JMJD1C: variants seen among roughly 807,000 people sequenced by gnomAD.
JMJD1C encodes jumonji domain containing 1C, also known as jumonji domain-containing protein 1C.
Under a neutral mutation model 245.3 loss-of-function variants are expected in JMJD1C, and 31 were observed. The ratio of observed to expected loss-of-function variants is 0.13; its 90% CI spans 0.09 to 0.17. JMJD1C has a LOEUF of 0.17. Among genes scored for constraint, JMJD1C ranks in the 10% least tolerant of loss-of-function variants. The pLI is 1.00. For synonymous variants in JMJD1C, 1,057 were observed against 1,017.4 expected (o/e 1.04, Z -0.74); for missense variants, 2,691 against 3,000.2 (o/e 0.90, Z 2.41).
chr10:63,478,129 A>G (rs995395111), intron 1 of JMJD1C, among the ~76,000 whole-genome samples: 1 of 152,104 alleles, frequency 6.6e-6, no homozygotes, highest in African/African-American at 2.4e-5. Flanking sequence ...AGTTAAACGT[A>G]TACTTTTCAT....
chr10:63,398,315 C>T (rs993515337), intron 1 of JMJD1C, among the ~76,000 whole-genome samples: 2 of 151,936 alleles, frequency 1.3e-5, no homozygotes, highest in Admixed American at 1.3e-4. Flanking sequence ...TTGCTTTTTC[C>T]CCTTGGTTAA....
chr10:63,189,477 C>T (rs761256864), intron 17 of JMJD1C, 31 bp from the exon 18 acceptor site: 255 of 1,560,448 alleles, frequency 1.6e-4, no homozygotes, highest in Non-Finnish European at 2.1e-4. Context: ...CAAAAAAAAC[C>T]TGTTTTTGAG....
chr10:63,389,232 A>C (rs1947852323), intron 1 of JMJD1C, among the ~76,000 whole-genome samples: 1 of 151,226 alleles, frequency 6.6e-6, no homozygotes, highest in South Asian at 2.1e-4. Context: ...GAACCGCTTG[A>C]ACCTGGAAGG....
chr10:63,403,614 T>C (rs959866932), intron 1 of JMJD1C, among the ~76,000 whole-genome samples: 9 of 152,338 alleles, frequency 5.9e-5, no homozygotes, highest in South Asian at 2.1e-4. Context: ...TGTTTAAGCA[T>C]TGGTTTTCCT....
At chr10:63,398,229 T>C (rs1208150663) in intron 1 of JMJD1C, among the ~76,000 whole-genome samples, 3 of 152,206 alleles carry the variant, frequency 2.0e-5, no homozygotes, top group Non-Finnish European at 4.4e-5. Flanking sequence ...AACTGTTTGA[T>C]ATGACTTTTT....
At position 63,357,110 on chromosome 10, in the gene JMJD1C, C is replaced by T. The variant is rs922680484; in HGVS notation, c.333+23208G>A. On this transcript the variant is annotated intron_variant, in intron 2 of 25. Transcript: ENST00000399262. Reference sequence around the variant, plus strand: ...GTGCAGTGGCGCGACCTCAGCTCACCGCAACCTCTGCCTCCTGGGTTCCAG... The same window carrying T: ...GTGCAGTGGCGCGACCTCAGCTCACTGCAACCTCTGCCTCCTGGGTTCCAG... Among the ~76,000 whole-genome samples, 27 of 150,824 alleles carry T rather than the reference C, an allele frequency of 1.8e-4. No individual in the cohort carries two copies. The East Asian group carries it at 4.5e-3, about 25-fold the overall frequency.
chr10:63,422,995 G>C (rs558552982), intron 1 of JMJD1C, among the ~76,000 whole-genome samples: 2 of 144,470 alleles, frequency 1.4e-5, no homozygotes, highest in African/African-American at 5.2e-5. Context: ...CTGAGTTTTC[G>C]CTCTTGTCAC....
chr10:63,426,000 A>G (rs1297385383), intron 1 of JMJD1C, among the ~76,000 whole-genome samples: 5 of 152,212 alleles, frequency 3.3e-5, no homozygotes, highest in African/African-American at 1.2e-4. Context: ...ATTTTAAGAC[A>G]TTTTTGTAGG....
In JMJD1C at chr10:63,240,210, T is replaced by A. The variant is rs1027379264; in HGVS notation, c.448-20227A>T. On this transcript the variant is annotated intron_variant, in intron 3 of 25. Coordinates refer to ENST00000399262, the MANE Select transcript of JMJD1C (RefSeq NM_032776.3). ...AGGGTTTTAAAAGACAGTGGAAATG[T>A]GACACGGCTTAGGGTGAGTAGTGAA... Among the ~76,000 whole-genome samples the A allele has an allele frequency of 2.0e-5, 3 of 152,012 alleles. No homozygotes were observed. In the South Asian group the frequency reaches 6.2e-4, roughly 31 times the overall value.
chr10:63,378,528 CT>C (rs1946956836), intron 2 of JMJD1C, among the ~76,000 whole-genome samples: 1 of 151,940 alleles, frequency 6.6e-6, no homozygotes, highest in South Asian at 2.1e-4. Flanking sequence ...GGAGGCAGAG[CT>C]TGCAGTGAGC....
chr10:63,511,739 T>G (rs1478845011), intron 1 of JMJD1C, among the ~76,000 whole-genome samples: 2 of 151,560 alleles, frequency 1.3e-5, no homozygotes, highest in African/African-American at 4.9e-5. Flanking sequence ...ATATATACAG[T>G]ATTTGTGGGA....
chr10:63,310,954 T>C (rs1227385189), intron 2 of JMJD1C, among the ~76,000 whole-genome samples: 1 of 152,072 alleles, frequency 6.6e-6, no homozygotes, highest in Non-Finnish European at 1.5e-5. Flanking sequence ...AGACTGAAAA[T>C]ACTAAATGTT....
At chr10:63,197,667 A>G in intron 12 of JMJD1C, 104 bp from the exon 13 acceptor site, 2 of 1,031,234 alleles carry the variant, frequency 1.9e-6, no homozygotes, top group Non-Finnish European at 2.7e-6. Context: ...CAAACCAAGA[A>G]CTTTCAAGGC....
At chr10:63,501,980 T>C (rs890978133) in intron 1 of JMJD1C, among the ~76,000 whole-genome samples, 2 of 152,192 alleles carry the variant, frequency 1.3e-5, no homozygotes, top group Non-Finnish European at 2.9e-5. Context: ...TTTATCATTT[T>C]TCTAAAGGTA....
At chr10:63,376,978 CAT>C (rs750899424) in intron 2 of JMJD1C, among the ~76,000 whole-genome samples, 1 of 152,206 alleles carries the variant, frequency 6.6e-6, no homozygotes, top group African/African-American at 2.4e-5. Flanking sequence ...CAGCCATGTT[CAT>C]ACCAGTATTA....
At chr10:63,496,134 A>G (rs912289211) in intron 1 of JMJD1C, among the ~76,000 whole-genome samples, 1 of 152,040 alleles carries the variant, frequency 6.6e-6, no homozygotes, top group Non-Finnish European at 1.5e-5. Context: ...GAAAAGAAGA[A>G]CATGTCAAAT....
intron 2 of JMJD1C, among the ~76,000 whole-genome samples, chr10:63,347,111 C>T (rs1345023914): frequency 1.3e-5 from 2 of 148,342 alleles, no homozygotes; most frequent in African/African-American, 2.5e-5. Flanking sequence ...CACTCTGTCA[C>T]CCAGGCTGGA....
At chr10:63,200,139 A>G (rs1168357726) in intron 11 of JMJD1C, among the ~76,000 whole-genome samples, 1 of 152,156 alleles carries the variant, frequency 6.6e-6, no homozygotes, top group East Asian at 1.9e-4. Flanking sequence ...TCTACCTTTA[A>G]GTTTTTAATT....
intron 2 of JMJD1C, among the ~76,000 whole-genome samples, chr10:63,320,284 TA>T (rs1940689673): frequency 6.6e-6 from 1 of 152,174 alleles, no homozygotes; most frequent in Non-Finnish European, 1.5e-5. Context: ...CTTCCTCTAA[TA>T]TTTTTAATAC....
Sources: allele counts gnomAD v4.1 joint callset (sites outside exome capture counted in the v4.1 genomes callset), GRCh38; gene constraint gnomAD v4.1.1; transcripts MANE v1.5; gene names NCBI Gene and HGNC (gene_info 2026-07-23, HGNC 2026-07-21).